Variants in PARN observed in about 807,000 individuals in gnomAD.
PARN encodes the protein poly(A)-specific ribonuclease PARN.
In PARN, 71 loss-of-function variants were observed where a neutral mutation model predicts 102.8. The observed-to-expected ratio is 0.69, with a 90% confidence interval of 0.57 to 0.84. The LOEUF (loss-of-function observed/expected upper bound fraction) is 0.84. Among genes scored for constraint, PARN ranks in the 40% least tolerant of loss-of-function variants. The pLI is 0.00. For missense variants in PARN, 782 were observed against 760.9 expected, an observed-to-expected ratio of 1.03 and a Z score of -0.33; for synonymous variants, 261 against 252.9, an observed-to-expected ratio of 1.03 and a Z score of -0.30.
At chr16:14,586,240 G>A (rs1352467859) in intron 14 of PARN, 78 bp downstream of exon 14, 3 of 798,086 alleles carry the variant, frequency 3.8e-6, no homozygotes, top group Non-Finnish European at 6.5e-6. Context: ...GTCTCCCAAA[G>A]TGGTGGGATT....
chr16:14,600,617 T>C (rs973191632), intron 11 of PARN, among the ~76,000 whole-genome samples: 3 of 151,998 alleles, frequency 2.0e-5, no homozygotes, highest in South Asian at 2.1e-4. Flanking sequence ...CTCACTGAAA[T>C]TGCTCACCTC....
In PARN at chr16:14,613,318, A is replaced by C. The variant is rs546807597; in HGVS notation, c.389-2509T>G. On this transcript the variant is annotated intron_variant, in intron 6 of 23. Coordinates refer to ENST00000437198, the MANE Select transcript of PARN (RefSeq NM_002582.4). ...GGGTGAAACTCCATCTCAAAAAAAAAAAAAAAACAAAACACCATGGGAGGC... is the reference window on the plus strand; with the variant it reads ...GGGTGAAACTCCATCTCAAAAAAAACAAAAAAACAAAACACCATGGGAGGC... Among the ~76,000 whole-genome samples, 3 of 151,094 alleles carry C rather than the reference A, an allele frequency of 2.0e-5. No homozygotes were observed. In the South Asian group the frequency reaches 6.3e-4, roughly 32 times the overall value.
At chr16:14,481,766 C>T (rs1963397312) in intron 22 of PARN, among the ~76,000 whole-genome samples, 1 of 152,118 alleles carries the variant, frequency 6.6e-6, no homozygotes, top group African/African-American at 2.4e-5. Context: ...TTCTAAACTT[C>T]ACAATTTTCT....
chr16:14,587,949 T>C (rs1005674864), intron 13 of PARN, among the ~76,000 whole-genome samples: 1 of 152,342 alleles, frequency 6.6e-6, no homozygotes, highest in Non-Finnish European at 1.5e-5. Flanking sequence ...CAATGTGTTA[T>C]GTTACGCACT....
intron 13 of PARN, among the ~76,000 whole-genome samples, chr16:14,591,507 C>T (rs1356235594): frequency 6.6e-6 from 1 of 152,118 alleles, no homozygotes; most frequent in East Asian, 1.9e-4. Context: ...TATTGCAACA[C>T]GGCTATGCCA....
chr16:14,505,553 A>C (rs1964851779), intron 21 of PARN, among the ~76,000 whole-genome samples: 1 of 152,216 alleles, frequency 6.6e-6, no homozygotes, highest in Non-Finnish European at 1.5e-5. Context: ...TGCAAAATAC[A>C]AAACTCAGGA....
At chr16:14,484,012 C>T (rs1254549641) in intron 21 of PARN, among the ~76,000 whole-genome samples, 2 of 152,274 alleles carry the variant, frequency 1.3e-5, no homozygotes, top group Non-Finnish European at 2.9e-5. Flanking sequence ...CCCCTGGAGT[C>T]CCAAAGTCCA....
intron 6 of PARN, among the ~76,000 whole-genome samples, chr16:14,617,180 C>T (rs577180612): frequency 6.6e-6 from 1 of 150,654 alleles, no homozygotes; most frequent in African/African-American, 2.4e-5. Flanking sequence ...GTCAGGAGAT[C>T]GAGACCATCC....
At chr16:14,559,468 AG>A (rs1425405323) in intron 18 of PARN, among the ~76,000 whole-genome samples, 3 of 151,592 alleles carry the variant, frequency 2.0e-5, no homozygotes, top group Non-Finnish European at 2.9e-5. Context: ...AGGGTACGTG[AG>A]ATGTTTGGAT....
intron 21 of PARN, among the ~76,000 whole-genome samples, chr16:14,520,087 A>G (rs1300999897): frequency 6.6e-6 from 1 of 152,236 alleles, no homozygotes; most frequent in Non-Finnish European, 1.5e-5. Flanking sequence ...GCTTATATGA[A>G]AAAGGAGGAC....
At chr16:14,602,992 G>C (rs973530095) in intron 11 of PARN, among the ~76,000 whole-genome samples, 1 of 151,914 alleles carries the variant, frequency 6.6e-6, no homozygotes. Flanking sequence ...TCAACTCACT[G>C]CAACTGCAAC....
rs554051967 is a variant in PARN, at chr16:14,446,827, G to C, written c.1864+61C>G. The C allele has an allele frequency of 1.1e-5, 13 of 1,188,262 alleles. No homozygotes were observed. In the East Asian group the frequency reaches 2.8e-4, roughly 25 times the overall value. The allele number at this position is 1,188,262 out of a possible 1,614,324, so 73.6% of individuals were successfully genotyped here. ...TGCTATAATTTCTCCCCCAAAATAG[G>C]AGTTTCTAGAGCATTTAAATAGTCC... is the stretch of plus-strand genomic sequence containing the variant. On this transcript the variant is annotated intron_variant, in intron 23 of 23. Transcript: ENST00000437198.
chr16:14,538,844 A>C (rs1966728459), intron 21 of PARN, among the ~76,000 whole-genome samples: 1 of 152,130 alleles, frequency 6.6e-6, no homozygotes, highest in Non-Finnish European at 1.5e-5. Context: ...CCTAAGCTCC[A>C]CGTCCTGTCA....
intron 10 of PARN, among the ~76,000 whole-genome samples, chr16:14,606,256 C>G (rs570563357): frequency 6.6e-6 from 1 of 151,976 alleles, no homozygotes; most frequent in Non-Finnish European, 1.5e-5. Context: ...AAAAAATTAG[C>G]CAAGCATGGT....
rs1400764609 is a variant in PARN, at chr16:14,548,965, G to A, written c.1480+3056C>T. On this transcript the variant is annotated intron_variant, in intron 21 of 23. Transcript: ENST00000437198. ...ATGACCCTGTCTCAGAAAAGGAAGA[G>A]GGGAGGGAAGAAGAGGGGAAGGGAG... Among the ~76,000 whole-genome samples, 3 of 150,896 alleles carry A rather than the reference G, an allele frequency of 2.0e-5. No individual in the cohort carries two copies. The South Asian group carries it at 6.4e-4, about 32-fold the overall frequency.
chr16:14,551,922 T>C (rs986858382), intron 21 of PARN, 99 bp downstream of exon 21: 1 of 730,406 alleles, frequency 1.4e-6, no homozygotes, highest in South Asian at 1.7e-5. Context: ...CAGCAATGAG[T>C]GTAAGCTGAC....
In PARN at chr16:14,447,698, C is replaced by T. The variant is rs146201043; in HGVS notation, c.1671-617G>A. On this transcript the variant is annotated intron_variant, in intron 22 of 23. Coordinates refer to ENST00000437198, the MANE Select transcript of PARN (RefSeq NM_002582.4). The stretch of plus-strand genomic sequence containing the variant: ...AATCAGATTATGTGTCCTGATTTTT[C>T]CTTACGAAAATGTTCCCTTAAATAT... Among the ~76,000 whole-genome samples, 1,445 of 152,228 alleles carry T rather than the reference C, an allele frequency of 9.5e-3. 28 individuals are homozygous for T. The highest frequency in any genetic ancestry group is 0.033 in the African/African-American group (1,352 of 41,540).
At chr16:14,534,446 A>C (rs866336199) in intron 21 of PARN, among the ~76,000 whole-genome samples, 1 of 152,316 alleles carries the variant, frequency 6.6e-6, no homozygotes, top group East Asian at 1.9e-4. Context: ...GTGCATACCT[A>C]AATGTGAACT....
chr16:14,546,006 CA>C (rs1006302518), intron 21 of PARN, among the ~76,000 whole-genome samples: 8 of 151,986 alleles, frequency 5.3e-5, no homozygotes, highest in African/African-American at 1.9e-4. Context: ...TCAAACAATA[CA>C]GAGAAACGAA....
Sources: gnomAD v4.1 joint callset for allele counts (sites outside exome capture counted in the v4.1 genomes callset) on GRCh38, gnomAD v4.1.1 for gene constraint, MANE v1.5 for transcripts, NCBI Gene and HGNC (gene_info 2026-07-23, HGNC 2026-07-21) for gene names.